Variants in MEGF8 observed in about 807,000 individuals in gnomAD.
MEGF8 encodes multiple EGF like domains 8, also known as multiple epidermal growth factor-like domains protein 8.
A neutral mutation model predicts 302.9 loss-of-function variants in MEGF8; 156 were observed. That is an observed-to-expected ratio of 0.52 (90% CI 0.45 to 0.59). The LOEUF is 0.59. Among genes scored for constraint, MEGF8 ranks in the 20% least tolerant of loss-of-function variants. The pLI is 0.00. For synonymous variants in MEGF8, 1,621 were observed against 1,660.5 expected (o/e 0.98, Z 0.58); for missense variants, 3,345 against 3,964.5 (o/e 0.84, Z 4.20).
rs753896870 is a variant in MEGF8, at chr19:42,356,830, G to T, written c.4679G>T (p.Gly1560Val). Residue 1560 changes from glycine (G) to valine (V), a missense_variant, in exon 27 of 42, where the codon GGC becomes GTC. Physicochemically the swap from Gly to Val is moderately radical, Grantham distance 109 (BLOSUM62 -3). Coordinates refer to ENST00000251268, the MANE Select transcript of MEGF8 (RefSeq NM_001271938.2). The surrounding 1 kb of genome is among the most constrained non-coding windows in gnomAD (Gnocchi z 5.2). Reference sequence around the variant, plus strand: ...ATGCTGGCGGGAGCCGAGGACGGGGGCCCAGGCCCATCGCCCCGCTCCTTC... The same window carrying T: ...ATGCTGGCGGGAGCCGAGGACGGGGTCCCAGGCCCATCGCCCCGCTCCTTC... Reference protein sequence around the residue: ...TQMLAGAEDGGPGPSPRSFHA... With the variant: ...TQMLAGAEDGVPGPSPRSFHA... The T allele has an allele frequency of 2.6e-6, 4 of 1,561,968 alleles. No homozygotes were observed. The highest frequency in any genetic ancestry group is 3.5e-6 in the Non-Finnish European group (4 of 1,153,222).
intron 30 of MEGF8, 25 bp from the exon 31 acceptor site, chr19:42,359,073 C>A: frequency 6.6e-7 from 1 of 1,509,442 alleles, no homozygotes; most frequent in South Asian, 1.3e-5. Context: ...CTGTCCTGTC[C>A]CCCCACCCCC....
chr19:42,334,452 C>G (rs780985756), intron 3 of MEGF8, among the ~76,000 whole-genome samples: 34 of 152,160 alleles, frequency 2.2e-4, no homozygotes, highest in Non-Finnish European at 4.3e-4. Context: ...ATCTATACCC[C>G]ACTCTCATCT....
At position 42,344,951 on chromosome 19, in the gene MEGF8, G is replaced by T. The variant is rs1186022157; in HGVS notation, c.2097+118G>T. On this transcript the variant is annotated intron_variant, in intron 12 of 41. Coordinates refer to ENST00000251268, the MANE Select transcript of MEGF8 (RefSeq NM_001271938.2). This position sits in a 1 kb window ranked among gnomAD's most constrained non-coding sequence, Gnocchi z 4.5. ...ACTCCAAAACTCTTTACATTCAAGGGTCTTATTTTCCTTATGGACTTTATT... is the reference window on the plus strand; with the variant it reads ...ACTCCAAAACTCTTTACATTCAAGGTTCTTATTTTCCTTATGGACTTTATT... The T allele has an allele frequency of 1.8e-6, 2 of 1,131,406 alleles. No individual in the cohort carries two copies. The highest frequency in any genetic ancestry group is 2.4e-6 in the Non-Finnish European group (2 of 843,696). The allele number at this position is 1,131,406 out of a possible 1,614,324, so 70.1% of individuals were successfully genotyped here.
rs1568565740 is a variant in MEGF8 at position 42,351,693 on chromosome 19, C to CTGCCATGAG, written c.3036_3044dup (p.His1013_Cys1015dup). ...GCCGGAGCTGCGATGGCTTCCTGAC[C>CTGCCATGAG]TGCCATGAGTGTCTGCAGAGCCACG... is the stretch of plus-strand genomic sequence containing the variant. On this transcript the variant is annotated inframe_insertion, in exon 18 of 42. Transcript: ENST00000251268. The surrounding 1 kb of genome is among the most constrained non-coding windows in gnomAD (Gnocchi z 5.6). 8 of 1,594,912 alleles carry CTGCCATGAG rather than the reference C, an allele frequency of 5.0e-6. No individual in the cohort carries two copies. Among genetic ancestry groups the CTGCCATGAG allele is most frequent in the Non-Finnish European group, 6.8e-6 (8 of 1,171,280 alleles).
chr19:42,371,468 T>G lies in MEGF8; in HGVS notation c.7255T>G (p.Cys2419Gly). The change falls in exon 41 of 42, where the codon TGC (cysteine) becomes GGC (glycine). Residue 2419 changes from cysteine to glycine, a missense_variant. Coordinates refer to ENST00000251268, the MANE Select transcript of MEGF8 (RefSeq NM_001271938.2). ...CAGCTCCCCCAGTGACCGTCGAGAC[T>G]GCTACAAGTACCAGGTGCGGCTGCA... ...QGSSPSDRRD[C>G]YKYQCAKCRE... 1 of 1,613,840 alleles carries G rather than the reference T, an allele frequency of 6.2e-7. No individual in the cohort carries two copies. The highest frequency in any genetic ancestry group is 8.5e-7 in the Non-Finnish European group (1 of 1,179,858).
In MEGF8 at chr19:42,369,538, G is replaced by T; in HGVS notation, c.6649G>T (p.Gly2217Trp). 1 of 1,607,490 alleles carries T rather than the reference G, an allele frequency of 6.2e-7. No homozygotes were observed. The change falls in exon 38 of 42, where the codon GGG becomes TGG. Residue 2217 changes from glycine (G) to tryptophan (W), a missense_variant. By Grantham distance (184) the Gly-to-Trp change is radical. Transcript: ENST00000251268. This position sits in a 1 kb window ranked among gnomAD's most constrained non-coding sequence, Gnocchi z 5.7. ...CCCACTTTGCCCCTGCAGCATGACA[G>T]GGCTGTGCCGCCCTGTGTGCGCCCA... Reference protein sequence around the residue: ...KTGYTMDNMTGLCRPVCAQGC... With the variant: ...KTGYTMDNMTWLCRPVCAQGC...
chr19:42,328,484 C>G (rs961656363), intron 1 of MEGF8, among the ~76,000 whole-genome samples: 1 of 151,984 alleles, frequency 6.6e-6, no homozygotes, highest in Non-Finnish European at 1.5e-5. Context: ...GGATGAAGGC[C>G]TGTTTCTCAG....
Position 42,356,009 on chromosome 19 carries a change from C to A in MEGF8, c.4392+4C>A, listed in dbSNP as rs1374811480. On this transcript the variant is annotated splice_donor_region_variant and intron_variant, in intron 24 of 41. Transcript: ENST00000251268. The surrounding 1 kb of genome is among the most constrained non-coding windows in gnomAD (Gnocchi z 5.2). ...TGGGGCAGGAACTTGTAACCAGGTA[C>A]AGGTGGGAGAGGGCAAGTCTGGTGG... 1 of 1,609,768 alleles carries A rather than the reference C, an allele frequency of 6.2e-7. No homozygotes were observed. The highest frequency in any genetic ancestry group is 2.2e-5 in the East Asian group (1 of 44,748).
At position 42,353,885 on chromosome 19, in the gene MEGF8, G is replaced by A. The variant is rs866861157; in HGVS notation, c.3872G>A (p.Gly1291Glu). 22 of 1,597,506 alleles carry A rather than the reference G, an allele frequency of 1.4e-5. No individual in the cohort carries two copies. Among genetic ancestry groups the A allele is most frequent in the Admixed American group, 3.5e-5 (2 of 57,250 alleles). ...GGGGGGCTGCTGCCTCCAGGTGGCG[G>A]GGCTGCAAGAGCCGGGCCTGGCCTG... ...RVGGLLPPGG[G>E]AARAGPGLSY... The change falls in exon 22 of 42, where the codon GGG becomes GAG. Residue 1291 changes from glycine (G) to glutamate (E), a missense_variant. Transcript: ENST00000251268. The surrounding 1 kb of genome is among the most constrained non-coding windows in gnomAD (Gnocchi z 6.1).
intron 23 of MEGF8, among the ~76,000 whole-genome samples, chr19:42,355,511 G>T (rs1399299845): frequency 6.6e-6 from 1 of 152,134 alleles, no homozygotes; most frequent in Non-Finnish European, 1.5e-5. Flanking sequence ...GTGTCCAGGT[G>T]GGACAGGACT....
intron 35 of MEGF8, among the ~76,000 whole-genome samples, chr19:42,365,289 G>T (rs528473446): frequency 6.6e-6 from 1 of 152,170 alleles, no homozygotes; most frequent in South Asian, 2.1e-4. Flanking sequence ...GTTCTCACAC[G>T]CCTGAAGAGC....
chr19:42,348,286 C>T lies in MEGF8; in HGVS notation c.2112C>T (p.Arg704=). ...TGGTGGCACAGGTCTCAATTGTCCG[C>T]AGCACGACCATCACCCTAACACCCA... ...TSQPDKVSIV[R]STTITLTPSA... Residue 704 remains arginine (R), a synonymous_variant, in exon 13 of 42, where the codon CGC becomes CGT. Transcript: ENST00000251268. 6.5e-7 allele frequency: 1 copy of T among 1,537,352 alleles called. No individual in the cohort carries two copies. Among genetic ancestry groups the T allele is most frequent in the Non-Finnish European group, 8.7e-7 (1 of 1,146,824 alleles).
rs758520252 is a variant in MEGF8 at position 42,375,613 on chromosome 19, C to T, written c.7376C>T (p.Thr2459Ile). 11 of 1,606,724 alleles carry T rather than the reference C, an allele frequency of 6.8e-6. No individual in the cohort carries two copies. In the South Asian group the frequency reaches 1.2e-4, roughly 18 times the overall value. Residue 2459 changes from threonine to isoleucine, a missense_variant, in exon 42 of 42, where the codon ACC becomes ATC. Coordinates refer to ENST00000251268, the MANE Select transcript of MEGF8 (RefSeq NM_001271938.2). This position sits in a 1 kb window ranked among gnomAD's most constrained non-coding sequence, Gnocchi z 7.1. ...QECCLDPTSQ[T>I]NCFHEPKRRA... ...TGCTGCCTGGACCCCACGTCCCAGA[C>T]CAACTGCTTCCATGAGCCCAAACGC... is the stretch of plus-strand genomic sequence containing the variant.
rs1315725013 is a variant in MEGF8, at chr19:42,336,748, T to G, written c.1245-59T>G. On this transcript the variant is annotated intron_variant, in intron 6 of 41. Coordinates refer to ENST00000251268, the MANE Select transcript of MEGF8 (RefSeq NM_001271938.2). This position sits in a 1 kb window ranked among gnomAD's most constrained non-coding sequence, Gnocchi z 4.8. ...GGTGATCACATGGCTCCTAAGAGCC[T>G]GGAGGAGGGAGAGAGACGCTTCCTG... The G allele has an allele frequency of 3.0e-5, 46 of 1,523,106 alleles. No individual in the cohort carries two copies. 94.3% of individuals were successfully genotyped at this position (1,523,106 alleles called of 1,614,324 possible).
At chr19:42,363,873 C>T (rs114693225) in intron 35 of MEGF8, among the ~76,000 whole-genome samples, 3,183 of 152,322 alleles carry the variant, frequency 0.021, 102 homozygotes, top group African/African-American at 0.071. Context: ...GGGTTTCTGT[C>T]GGTCTGATAG....
Position 42,358,805 on chromosome 19 carries a change from G to C in MEGF8, c.5194G>C (p.Val1732Leu). 6.3e-7 allele frequency: 1 copy of C among 1,578,364 alleles called. No homozygotes were observed. The highest frequency in any genetic ancestry group is 8.6e-7 in the Non-Finnish European group (1 of 1,163,678). Residue 1732 changes from valine (V) to leucine (L), a missense_variant, in exon 30 of 42, where the codon GTG becomes CTG. By Grantham distance (32) the Val-to-Leu change is conservative. Transcript: ENST00000251268. This position sits in a 1 kb window ranked among gnomAD's most constrained non-coding sequence, Gnocchi z 4.4. Reference sequence around the variant, plus strand: ...TCACTAGCGAGATCGTATGAGGAATGTGCGTGGCTCATCTCGGGGTCTGGG... The same window carrying C: ...TCACTAGCGAGATCGTATGAGGAATCTGCGTGGCTCATCTCGGGGTCTGGG... ...QGAKRDRMRN[V>L]RGSSRGLGQV...
rs200647067 is a variant in MEGF8, at chr19:42,344,722, G to A, written c.1986G>A (p.Gly662=). 1.9e-6 allele frequency: 3 copies of A among 1,610,476 alleles called. No homozygotes were observed. Among genetic ancestry groups the A allele is most frequent in the East Asian group, 2.2e-5 (1 of 44,742 alleles). Residue 662 remains glycine (G), a synonymous_variant, in exon 12 of 42, where the codon GGG becomes GGA. Coordinates refer to ENST00000251268, the MANE Select transcript of MEGF8 (RefSeq NM_001271938.2). This position sits in a 1 kb window ranked among gnomAD's most constrained non-coding sequence, Gnocchi z 4.5. The part of the protein sequence containing the change: ...EQISGTVGWW[G]PAPVFVTSLE... ...TCTCAGGCACTGTGGGCTGGTGGGG[G>A]CCTGCGCCTGTCTTCGTCACGTCCC... is the stretch of plus-strand genomic sequence containing the variant.
chr19:42,362,348 G>A, intron 33 of MEGF8, 36 bp from the exon 34 acceptor site: 1 of 1,613,256 alleles, frequency 6.2e-7, no homozygotes, highest in Non-Finnish European at 8.5e-7. Flanking sequence ...CAGGAGGGGT[G>A]CTGAGGGTCC....
intron 38 of MEGF8, 28 bp from the exon 39 acceptor site, chr19:42,370,161 C>A: frequency 6.3e-7 from 1 of 1,591,002 alleles, no homozygotes. Flanking sequence ...TCTCCAGCCT[C>A]TCTAACTACC....
Sources: gnomAD v4.1 joint callset for allele counts (sites outside exome capture counted in the v4.1 genomes callset) on GRCh38, gnomAD v4.1.1 for gene constraint, Gnocchi (gnomAD v3.1) non-coding constraint, MANE v1.5 for transcripts, NCBI Gene and HGNC (gene_info 2026-07-23, HGNC 2026-07-21) for gene names.